The following GAS2 variants were observed in gnomAD, a reference collection of about 807,000 sequenced individuals.
GAS2 encodes growth arrest specific 2, also known as growth arrest-specific protein 2.
Under a neutral mutation model 37.5 loss-of-function variants are expected in GAS2, and 20 were observed. The observed-to-expected ratio is 0.53, with a 90% CI of 0.37 to 0.77. The LOEUF (loss-of-function observed/expected upper bound fraction) is 0.77. GAS2 is among the 30% of genes least tolerant of loss of function. The pLI is 0.00. For missense variants in GAS2, 336 were observed against 373.4 expected (o/e 0.90, Z 0.82); for synonymous variants, 144 against 132.2 (o/e 1.09, Z -0.61).
chr11:22,757,080 CAGAG>C (rs747528987), intron 7 of GAS2, among the ~76,000 whole-genome samples: 1 of 152,078 alleles, frequency 6.6e-6, no homozygotes, highest in African/African-American at 2.4e-5. Flanking sequence ...AGAATCAAAA[CAGAG>C]AGAGTCATTT....
chr11:22,774,239 C>G (rs2134445560), intron 7 of GAS2, among the ~76,000 whole-genome samples: 1 of 152,292 alleles, frequency 6.6e-6, no homozygotes, highest in East Asian at 1.9e-4. Flanking sequence ...GGTGATCGGC[C>G]CGCCTCAGCC....
At chr11:22,666,315 G>A (rs1225330482), upstream of GAS2, among the ~76,000 whole-genome samples, 3 of 152,230 alleles carry the variant, frequency 2.0e-5, no homozygotes, top group African/African-American at 7.2e-5. Flanking sequence ...AGTGGCCGAA[G>A]TTACTGGAAA....
chr11:22,781,124 C>T (rs540046303), intron 7 of GAS2, among the ~76,000 whole-genome samples: 52 of 152,070 alleles, frequency 3.4e-4, no homozygotes, highest in Admixed American at 2.3e-3. Flanking sequence ...GCAGCAAAAC[C>T]GGAAGTTGCA....
rs183936829 is a variant in GAS2, at chr11:22,681,936, A to G, written c.146-3732A>G. On this transcript the variant is annotated intron_variant, in intron 2 of 7. Transcript: ENST00000454584. ...TATAACTGATTTCTTACAATCATAC[A>G]TTGATTGTAATCATAAAGTATATAT... Among the ~76,000 whole-genome samples the G allele has an allele frequency of 3.9e-3, 598 of 152,178 alleles. 1 individual carries two copies. Among genetic ancestry groups the G allele is most frequent in the Middle Eastern group, 0.01 (3 of 294 alleles).
At chr11:22,666,228 C>T (rs1848983285), upstream of GAS2, among the ~76,000 whole-genome samples, 1 of 152,134 alleles carries the variant, frequency 6.6e-6, no homozygotes, top group South Asian at 2.1e-4. Flanking sequence ...CAAAAACAGC[C>T]GTGAGTACAG....
intron 3 of GAS2, among the ~76,000 whole-genome samples, chr11:22,709,936 C>A (rs1851312774): frequency 6.6e-6 from 1 of 150,410 alleles, no homozygotes; most frequent in East Asian, 2.0e-4. Context: ...ACCGCATGTT[C>A]TCACTCACAC....
At chr11:22,760,064 T>G (rs369003880) in intron 7 of GAS2, among the ~76,000 whole-genome samples, 31 of 152,310 alleles carry the variant, frequency 2.0e-4, no homozygotes, top group African/African-American at 7.2e-4. Flanking sequence ...TTCAAGCGAT[T>G]CTTGTGACAC....
At chr11:22,718,567 A>C (rs1851799129) in intron 3 of GAS2, among the ~76,000 whole-genome samples, 1 of 152,026 alleles carries the variant, frequency 6.6e-6, no homozygotes. Flanking sequence ...TACATTGTAC[A>C]CTGCTCAAGT....
At chr11:22,639,169 A>G (rs1262537624) in intron 1 of GAS2, among the ~76,000 whole-genome samples, 1 of 152,138 alleles carries the variant, frequency 6.6e-6, no homozygotes, top group Non-Finnish European at 1.5e-5. Context: ...TCCTCTCCAA[A>G]ACTCATGTGA....
At chr11:22,771,040 G>A (rs1435182033) in intron 7 of GAS2, among the ~76,000 whole-genome samples, 1 of 151,712 alleles carries the variant, frequency 6.6e-6, no homozygotes, top group Non-Finnish European at 1.5e-5. Flanking sequence ...GTGGTGCCTT[G>A]GCCTTCAATC....
At chr11:22,803,249 T>C (rs1178127764) in intron 7 of GAS2, among the ~76,000 whole-genome samples, 1 of 152,146 alleles carries the variant, frequency 6.6e-6, no homozygotes, top group Non-Finnish European at 1.5e-5. Flanking sequence ...TGCCAACAGA[T>C]AACTAGTGTA....
intron 7 of GAS2, among the ~76,000 whole-genome samples, chr11:22,802,663 A>G (rs1204147683): frequency 6.6e-6 from 1 of 152,110 alleles, no homozygotes; most frequent in Non-Finnish European, 1.5e-5. Context: ...TGCAACTTAT[A>G]GTGTTGGAGG....
intron 6 of GAS2, among the ~76,000 whole-genome samples, chr11:22,750,250 G>A (rs1853654508): frequency 6.6e-6 from 1 of 152,060 alleles, no homozygotes; most frequent in Non-Finnish European, 1.5e-5. Flanking sequence ...CCATAGCTGT[G>A]AGTTTCTTCC....
At position 22,813,000 on chromosome 11, in the gene GAS2, T is replaced by C. The variant is rs1021666680; in HGVS notation, c.*984T>C. 13 of 152,710 alleles carry C rather than the reference T, an allele frequency of 8.5e-5. No individual in the cohort carries two copies. Among genetic ancestry groups the C allele is most frequent in the African/African-American group, 3.1e-4 (13 of 41,578 alleles). 9.5% of individuals were successfully genotyped at this position (152,710 alleles called of 1,614,324 possible). ...TTAAAAGGATAAATTTTAAAAATGT[T>C]ATCTGTCTCTAAATCAATGCCTCAT... On this transcript the variant is annotated 3_prime_UTR_variant, in exon 8 of 8. Coordinates refer to ENST00000454584, the MANE Select transcript of GAS2 (RefSeq NM_001143830.3).
intron 1 of GAS2, among the ~76,000 whole-genome samples, chr11:22,674,015 C>T (rs1284231548): frequency 6.6e-6 from 1 of 152,168 alleles, no homozygotes; most frequent in Non-Finnish European, 1.5e-5. Flanking sequence ...GACAAACAAA[C>T]ACCTCTGGCA....
chr11:22,805,588 A>G (rs1856847486), intron 7 of GAS2, among the ~76,000 whole-genome samples: 1 of 152,086 alleles, frequency 6.6e-6, no homozygotes, highest in Non-Finnish European at 1.5e-5. Flanking sequence ...CTTCTATGAG[A>G]TCAACATCTT....
chr11:22,768,283 G>A (rs1480671315), intron 7 of GAS2, among the ~76,000 whole-genome samples: 4 of 152,122 alleles, frequency 2.6e-5, no homozygotes, highest in African/African-American at 7.2e-5. Flanking sequence ...CAACAACAAA[G>A]CAAAATGACA....
chr11:22,782,564 C>A (rs1855602510), intron 7 of GAS2, among the ~76,000 whole-genome samples: 1 of 151,870 alleles, frequency 6.6e-6, no homozygotes, highest in Non-Finnish European at 1.5e-5. Flanking sequence ...CCCCCACATC[C>A]TTTTCCCCTC....
chr11:22,631,739 T>C (rs1858747031), intron 1 of GAS2, among the ~76,000 whole-genome samples: 1 of 152,142 alleles, frequency 6.6e-6, no homozygotes, highest in Non-Finnish European at 1.5e-5. Context: ...TTGTTGAATT[T>C]TTTTTTTATC....
Sources: gnomAD v4.1 joint callset for allele counts (sites outside exome capture counted in the v4.1 genomes callset) on GRCh38, gnomAD v4.1.1 for gene constraint, MANE v1.5 for transcripts, NCBI Gene and HGNC (gene_info 2026-07-23, HGNC 2026-07-21) for gene names.